FCHSD2: variants seen among roughly 807,000 people sequenced by gnomAD.
FCHSD2 encodes the protein F-BAR and double SH3 domains protein 2.
In FCHSD2, 38 loss-of-function variants were observed where a neutral mutation model predicts 108.1. The observed-to-expected ratio is 0.35, with a 90% confidence interval of 0.27 to 0.46. The LOEUF (loss-of-function observed/expected upper bound fraction) is 0.46, where lower values mean the gene tolerates loss of function less well. Ranked by LOEUF, FCHSD2 falls within the 20% of genes least tolerant of loss-of-function variation. FCHSD2 has a pLI of 1.00. For synonymous variants in FCHSD2, 279 were observed against 314.7 expected, an observed-to-expected ratio of 0.89 and a Z score of 1.20; for missense variants, 751 against 897.8, an observed-to-expected ratio of 0.84 and a Z score of 2.09.
At chr11:72,909,189 G>A (rs987958098) in intron 9 of FCHSD2, among the ~76,000 whole-genome samples, 5 of 151,958 alleles carry the variant, frequency 3.3e-5, no homozygotes, top group South Asian at 2.1e-4. Context: ...GGCACACGCC[G>A]CCACGCCTGA....
chr11:72,851,036 C>T, intron 13 of FCHSD2, among the ~76,000 whole-genome samples: 1 of 130,374 alleles, frequency 7.7e-6, no homozygotes. Flanking sequence ...GAGGTGGAGA[C>T]TAAGTGAGCC....
At chr11:72,945,329 G>C (rs1370508274) in intron 8 of FCHSD2, among the ~76,000 whole-genome samples, 2 of 152,150 alleles carry the variant, frequency 1.3e-5, no homozygotes, top group Admixed American at 1.3e-4. Flanking sequence ...ATGGTGCTGG[G>C]AATACTGGCT....
chr11:73,013,713 G>A (rs979911248), intron 4 of FCHSD2, among the ~76,000 whole-genome samples: 10 of 152,134 alleles, frequency 6.6e-5, no homozygotes, highest in East Asian at 1.9e-4. Flanking sequence ...TAAATATTTT[G>A]TATATCTTGG....
At chr11:73,060,496 T>C (rs573000031) in intron 3 of FCHSD2, among the ~76,000 whole-genome samples, 99 of 152,208 alleles carry the variant, frequency 6.5e-4, no homozygotes, top group African/African-American at 2.3e-3. Context: ...CACATTACAG[T>C]GAGAAAGTTT....
At chr11:72,852,855 T>C (rs1861326732) in intron 13 of FCHSD2, among the ~76,000 whole-genome samples, 1 of 152,178 alleles carries the variant, frequency 6.6e-6, no homozygotes. Context: ...TGGATGGAAC[T>C]GGAGCCCATT....
At chr11:73,082,435 A>G (rs1859718036) in intron 3 of FCHSD2, among the ~76,000 whole-genome samples, 1 of 151,962 alleles carries the variant, frequency 6.6e-6, no homozygotes, top group African/African-American at 2.4e-5. Flanking sequence ...ATACACAATA[A>G]GCACTCAACA....
chr11:73,083,687 A>T lies in FCHSD2; in HGVS notation c.165+8T>A. On this transcript the variant is annotated splice_region_variant and intron_variant, in intron 3 of 19. Transcript: ENST00000409418. Reference sequence around the variant, plus strand: ...TACCTAGAATGGGACCTCCAATTTCAAGCTTACCTGTGCATACTCTCTTTC... The same window carrying T: ...TACCTAGAATGGGACCTCCAATTTCTAGCTTACCTGTGCATACTCTCTTTC... 6.5e-7 allele frequency: 1 copy of T among 1,539,014 alleles called. No homozygotes were observed. The highest frequency in any genetic ancestry group is 8.8e-7 in the Non-Finnish European group (1 of 1,135,310).
At chr11:73,066,777 A>G (rs916561562) in intron 3 of FCHSD2, among the ~76,000 whole-genome samples, 19 of 152,244 alleles carry the variant, frequency 1.2e-4, no homozygotes, top group African/African-American at 4.6e-4. Context: ...TCAAAACCAC[A>G]ATGAGATATT....
chr11:72,906,841 T>G (rs949014929), intron 9 of FCHSD2, among the ~76,000 whole-genome samples: 1 of 152,212 alleles, frequency 6.6e-6, no homozygotes, highest in Non-Finnish European at 1.5e-5. Flanking sequence ...GTAGTATAGT[T>G]TGAAGTCAGG....
chr11:73,005,206 G>A (rs1198506613), intron 4 of FCHSD2, among the ~76,000 whole-genome samples: 2 of 152,062 alleles, frequency 1.3e-5, no homozygotes, highest in Non-Finnish European at 2.9e-5. Context: ...CCACCCTAAT[G>A]TCTGCTCTCT....
At chr11:72,969,934 G>C (rs1856978687) in intron 8 of FCHSD2, among the ~76,000 whole-genome samples, 1 of 152,174 alleles carries the variant, frequency 6.6e-6, no homozygotes, top group Admixed American at 6.5e-5. Flanking sequence ...CTCAGAAAAA[G>C]ACTTGTCTGT....
At chr11:73,016,926 T>C (rs149612773) in intron 3 of FCHSD2, among the ~76,000 whole-genome samples, 25 of 152,348 alleles carry the variant, frequency 1.6e-4, no homozygotes, top group African/African-American at 5.3e-4. Context: ...GAATTGATTT[T>C]AAACTGCTCA....
At chr11:72,953,825 T>C (rs2135360976) in intron 8 of FCHSD2, among the ~76,000 whole-genome samples, 1 of 152,318 alleles carries the variant, frequency 6.6e-6, no homozygotes, top group Non-Finnish European at 1.5e-5. Context: ...GTTCTGTGGC[T>C]CTCTGGCATT....
chr11:73,104,963 C>T (rs1277398978), intron 2 of FCHSD2, among the ~76,000 whole-genome samples: 1 of 152,164 alleles, frequency 6.6e-6, no homozygotes, highest in Admixed American at 6.5e-5. Flanking sequence ...TTCAAAGCAG[C>T]CTATCAACAG....
intron 1 of FCHSD2, 117 bp downstream of exon 1, chr11:73,141,740 C>G: frequency 8.6e-7 from 1 of 1,158,572 alleles, no homozygotes; most frequent in Non-Finnish European, 1.2e-6. Context: ...GGTGACAAGC[C>G]CAAGACGAGG....
intron 8 of FCHSD2, among the ~76,000 whole-genome samples, chr11:72,983,491 C>T (rs1010328406): frequency 1.3e-5 from 2 of 151,860 alleles, no homozygotes; most frequent in African/African-American, 4.8e-5. Context: ...TTAAAAAAAG[C>T]TTCATAATTA....
In FCHSD2 at chr11:72,838,534, C is replaced by T. The variant is rs577287749; in HGVS notation, c.*257G>A. 5 of 527,584 alleles carry T rather than the reference C, an allele frequency of 9.5e-6. No individual in the cohort carries two copies. Among genetic ancestry groups the T allele is most frequent in the East Asian group, 3.3e-5 (1 of 30,400 alleles). 32.7% of individuals were successfully genotyped at this position (527,584 alleles called of 1,614,324 possible). ...AGACCACTGTTAGGCATGAGGGCTG[C>T]CCCCCTCTTTGCTCCTAGGGTCCGC... is the stretch of plus-strand genomic sequence containing the variant. On this transcript the variant is annotated 3_prime_UTR_variant, in exon 20 of 20. Transcript: ENST00000409418.
chr11:73,059,511 C>T (rs1859112010), intron 3 of FCHSD2, among the ~76,000 whole-genome samples: 1 of 152,038 alleles, frequency 6.6e-6, no homozygotes, highest in South Asian at 2.1e-4. Flanking sequence ...ACGAGGAATG[C>T]TCCCTACCCT....
intron 2 of FCHSD2, among the ~76,000 whole-genome samples, chr11:73,112,659 G>A (rs1353157165): frequency 6.6e-6 from 1 of 152,010 alleles, no homozygotes; most frequent in Non-Finnish European, 1.5e-5. Flanking sequence ...GGTGGTGTTG[G>A]TGTTGTTGAG....
Sources: gnomAD v4.1 joint callset for allele counts (sites outside exome capture counted in the v4.1 genomes callset) on GRCh38, gnomAD v4.1.1 for gene constraint, MANE v1.5 for transcripts, NCBI Gene and HGNC (gene_info 2026-07-23, HGNC 2026-07-21) for gene names.